Variants in USP1 observed in about 807,000 individuals in gnomAD.
USP1 encodes the protein ubiquitin specific peptidase 1.
A neutral mutation model predicts 72.2 loss-of-function variants in USP1; 18 were observed. The observed-to-expected ratio is 0.25, with a 90% CI of 0.17 to 0.37. The LOEUF (loss-of-function observed/expected upper bound fraction) is 0.37. Among genes scored for constraint, USP1 ranks in the 10% least tolerant of loss-of-function variants. The pLI is 1.00. For missense variants in USP1, 759 were observed against 884.9 expected (o/e 0.86, Z 1.81); for synonymous variants, 354 against 303.7 (o/e 1.17, Z -1.72).
At position 62,447,479 on chromosome 1, in the gene USP1, A is replaced by G; in HGVS notation, c.1388A>G (p.Asp463Gly). 1 of 1,614,058 alleles carries G rather than the reference A, an allele frequency of 6.2e-7. No homozygotes were observed. The change falls in exon 7 of 9, where the codon GAT (aspartate) becomes GGT (glycine). Residue 463 changes from aspartate to glycine, a missense_variant. By Grantham distance (94) the Asp-to-Gly change is moderately conservative. Transcript: ENST00000339950. Reference sequence around the variant, plus strand: ...GACATCAGTGTGCCAGTACAAGAAGATGAGCTTTCCAAAGTAGAGGAGAGT... The same window carrying G: ...GACATCAGTGTGCCAGTACAAGAAGGTGAGCTTTCCAAAGTAGAGGAGAGT... ...FQDISVPVQE[D>G]ELSKVEESSE... is the part of the protein sequence containing the mutation.
intron 8 of USP1, among the ~76,000 whole-genome samples, chr1:62,449,024 A>T (rs1428033129): frequency 6.6e-6 from 1 of 152,122 alleles, no homozygotes; most frequent in Non-Finnish European, 1.5e-5. Flanking sequence ...CTGGGACTAC[A>T]GGTGCATGCC....
intron 5 of USP1, among the ~76,000 whole-genome samples, 168 bp downstream of exon 5, chr1:62,443,487 A>T (rs1412222550): frequency 2.6e-5 from 4 of 152,198 alleles, no homozygotes; most frequent in African/African-American, 9.6e-5. Context: ...TTTTTCATAA[A>T]TTTGGTGCTA....
chr1:62,437,398 C>G lies in USP1; in HGVS notation c.-72C>G, dbSNP rs1240267096. The G allele has an allele frequency of 3.4e-5, 13 of 382,986 alleles. No individual in the cohort carries two copies. Among genetic ancestry groups the G allele is most frequent in the African/African-American group, 2.5e-4 (12 of 48,138 alleles). 23.7% of individuals were successfully genotyped at this position (382,986 alleles called of 1,614,324 possible). ...CGCGGACTTCGCTTTGGGCCATGAC[C>G]AGGTAAGGAGGGCCTGGGAGGAGGG... On this transcript the variant is annotated splice_region_variant and 5_prime_UTR_variant, in exon 1 of 9. Coordinates refer to ENST00000339950, the MANE Select transcript of USP1 (RefSeq NM_003368.5).
chr1:62,440,363 T>A (rs1191170611), intron 2 of USP1, among the ~76,000 whole-genome samples: 6 of 148,672 alleles, frequency 4.0e-5, no homozygotes, highest in Admixed American at 2.7e-4. Flanking sequence ...GTAAAAGGTT[T>A]TATATATATA....
At chr1:62,442,404 T>G (rs2149205076) in intron 4 of USP1, 105 bp downstream of exon 4, 2 of 780,176 alleles carry the variant, frequency 2.6e-6, no homozygotes, top group East Asian at 5.6e-5. Flanking sequence ...TGACAAAGAT[T>G]ATTTCTCTGT....
Position 62,445,311 on chromosome 1 carries a change from T to C in USP1, c.1131T>C (p.Asp377=). The change falls in exon 6 of 9, where the codon GAT becomes GAC. Residue 377 remains aspartate (D), a synonymous_variant. Transcript: ENST00000339950. ...GACAATCTAAAGAAAATGAATGTGA[T>C]CCTGAAGAGGACTTGGGGAAGTGTG... ...VKGQSKENEC[D]PEEDLGKCES... is the part of the protein sequence containing the mutation. 6.2e-7 allele frequency: 1 copy of C among 1,613,638 alleles called. No homozygotes were observed. Among genetic ancestry groups the C allele is most frequent in the East Asian group, 2.2e-5 (1 of 44,834 alleles).
chr1:62,448,017 A>T (rs759751630), intron 7 of USP1, among the ~76,000 whole-genome samples: 3 of 152,078 alleles, frequency 2.0e-5, no homozygotes, highest in Non-Finnish European at 4.4e-5. Context: ...CAATCTCCTG[A>T]CCTCGTGATC....
At chr1:62,439,462 C>A (rs1645116854) in intron 1 of USP1, among the ~76,000 whole-genome samples, 1 of 152,206 alleles carries the variant, frequency 6.6e-6, no homozygotes, top group East Asian at 1.9e-4. Context: ...GGATTACAGG[C>A]GTGAGCTATC....
intron 5 of USP1, among the ~76,000 whole-genome samples, chr1:62,443,775 A>C (rs936829284): frequency 6.6e-6 from 1 of 152,194 alleles, no homozygotes; most frequent in African/African-American, 2.4e-5. Flanking sequence ...CAAATATTCT[A>C]TTTTTATATG....
rs762419710 is a variant in USP1, at chr1:62,447,332, T to C, written c.1250-9T>C. The C allele has an allele frequency of 8.1e-6, 13 of 1,609,360 alleles. No individual in the cohort carries two copies. The highest frequency in any genetic ancestry group is 1.0e-5 in the Non-Finnish European group (12 of 1,178,330). ...TGTATAGACTTACATTTTCCTATTT[T>C]CATTTTAGGTGAAGAACAAATTGGT... On this transcript the variant is annotated splice_polypyrimidine_tract_variant and intron_variant, in intron 6 of 8. Transcript: ENST00000339950.
chr1:62,445,815 C>A (rs1401428113), intron 6 of USP1, among the ~76,000 whole-genome samples: 1 of 152,056 alleles, frequency 6.6e-6, no homozygotes, highest in Non-Finnish European at 1.5e-5. Context: ...CCCGTCTCTA[C>A]TAAAAATGCA....
At chr1:62,440,088 T>C (rs1645122024) in intron 2 of USP1, 51 bp downstream of exon 2, 1 of 1,361,062 alleles carries the variant, frequency 7.3e-7, no homozygotes, top group Non-Finnish European at 9.6e-7. Context: ...AAAGCAGCAG[T>C]GAACTTGGTT....
chr1:62,445,634 G>GTA (rs10647753), intron 6 of USP1, among the ~76,000 whole-genome samples: 61,462 of 151,868 alleles, frequency 0.4, 13,712 homozygotes, highest in African/African-American at 0.6. Context: ...ATATATGTGT[G>GTA]TGTGTGTGTG....
chr1:62,447,175 A>C (rs1645181335), intron 6 of USP1, among the ~76,000 whole-genome samples, 166 bp from the exon 7 acceptor site: 1 of 152,150 alleles, frequency 6.6e-6, no homozygotes, highest in Non-Finnish European at 1.5e-5. Flanking sequence ...AGGGACCTTA[A>C]ATTTCATTAA....
intron 6 of USP1, among the ~76,000 whole-genome samples, chr1:62,445,721 G>A (rs1381608137): frequency 1.3e-5 from 2 of 152,102 alleles, no homozygotes. Flanking sequence ...GCTCGCACCT[G>A]CAATCCCAGT....
At chr1:62,447,203 G>T in intron 6 of USP1, 138 bp from the exon 7 acceptor site, 1 of 811,888 alleles carries the variant, frequency 1.2e-6, no homozygotes. Flanking sequence ...CCTCTAATAA[G>T]CTAATAATGC....
Position 62,450,102 on chromosome 1 carries a change from G to T in USP1, c.1623-144G>T, listed in dbSNP as rs181783673. 5,522 of 870,492 alleles carry T rather than the reference G, an allele frequency of 6.3e-3. 33 individuals are homozygous for T. Among genetic ancestry groups the T allele is most frequent in the South Asian group, 0.017 (613 of 36,346 alleles). 53.9% of individuals were successfully genotyped at this position (870,492 alleles called of 1,614,324 possible). On this transcript the variant is annotated intron_variant, in intron 8 of 8. Transcript: ENST00000339950. ...ATTATAAATATTATTCAAAGTTGGGGTCTTGTTTTGATTCTGCTTTTCTGA... is the reference window on the plus strand; with the variant it reads ...ATTATAAATATTATTCAAAGTTGGGTTCTTGTTTTGATTCTGCTTTTCTGA...
At position 62,448,687 on chromosome 1, in the gene USP1, CT is replaced by C. The variant is rs1645193208; in HGVS notation, c.1622+22del. The C allele has an allele frequency of 3.1e-6, 5 of 1,604,832 alleles. No homozygotes were observed. In the East Asian group the frequency reaches 1.1e-4, roughly 36 times the overall value. ...TTGGAGTAAGTATTGTAAATAAGAA[CT>C]ATATGAAGAAAATGAGCTGCTGTAG... is the stretch of plus-strand genomic sequence containing the variant. On this transcript the variant is annotated intron_variant, in intron 8 of 8. Coordinates refer to ENST00000339950, the MANE Select transcript of USP1 (RefSeq NM_003368.5).
intron 7 of USP1, among the ~76,000 whole-genome samples, 187 bp downstream of exon 7, chr1:62,447,698 G>A (rs1320086827): frequency 6.6e-6 from 1 of 152,174 alleles, no homozygotes; most frequent in African/African-American, 2.4e-5. Context: ...GTGACATCTT[G>A]ATTTTGATGT....
Sources: gnomAD v4.1 joint callset for allele counts (sites outside exome capture counted in the v4.1 genomes callset) on GRCh38, gnomAD v4.1.1 for gene constraint, MANE v1.5 for transcripts, NCBI Gene and HGNC (gene_info 2026-07-23, HGNC 2026-07-21) for gene names.